The following SPNS2 variants were observed in gnomAD, a reference collection of about 807,000 sequenced individuals.
SPNS2 encodes the protein sphingosine-1-phosphate transporter SPNS2.
A neutral mutation model predicts 57.6 loss-of-function variants in SPNS2; 37 were observed. The observed-to-expected ratio is 0.64, with a 90% CI of 0.49 to 0.85. The LOEUF (loss-of-function observed/expected upper bound fraction) is 0.85, where lower values mean the gene tolerates loss of function less well. SPNS2 is among the 40% of genes least tolerant of loss of function. The pLI is 0.00. For synonymous variants in SPNS2, 440 were observed against 346.9 expected (o/e 1.27, Z -2.98); for missense variants, 831 against 779.1 (o/e 1.07, Z -0.79).
chr17:4,515,240 A>T (rs1211758241), intron 2 of SPNS2, among the ~76,000 whole-genome samples: 1 of 152,198 alleles, frequency 6.6e-6, no homozygotes, highest in Non-Finnish European at 1.5e-5. Flanking sequence ...GACAAAGCAC[A>T]CACAGGCATT....
At chr17:4,521,219 T>G (rs1420435222) in intron 2 of SPNS2, among the ~76,000 whole-genome samples, 1 of 152,184 alleles carries the variant, frequency 6.6e-6, no homozygotes, top group Non-Finnish European at 1.5e-5. Flanking sequence ...TTCTGATTCC[T>G]TCTGTCCACT....
intron 1 of SPNS2, among the ~76,000 whole-genome samples, chr17:4,508,673 G>C (rs1215117695): frequency 6.6e-6 from 1 of 152,240 alleles, no homozygotes; most frequent in Non-Finnish European, 1.5e-5. Context: ...CTAAGTGTGA[G>C]TGGGCAGCCG....
At position 4,537,901 on chromosome 17, in the gene SPNS2, C is replaced by T. The variant is rs1320798541; in HGVS notation, c.*453C>T. The T allele has an allele frequency of 2.4e-6, 1 of 417,152 alleles. No individual in the cohort carries two copies. Among genetic ancestry groups the T allele is most frequent in the Admixed American group, 2.6e-5 (1 of 38,404 alleles). 25.8% of individuals were successfully genotyped at this position (417,152 alleles called of 1,614,324 possible). A position where few individuals can be genotyped will look rare whatever the true frequency, so the allele number is the denominator to read the frequency against. On this transcript the variant is annotated 3_prime_UTR_variant, in exon 13 of 13. Coordinates refer to ENST00000329078, the MANE Select transcript of SPNS2 (RefSeq NM_001124758.3). ...AACAGACCCTGGACCATACGGAGAG[C>T]AGGTGGCCCAGGCCTCAGGGCGGCA...
intron 2 of SPNS2, among the ~76,000 whole-genome samples, chr17:4,515,358 C>T (rs1484992532): frequency 6.6e-6 from 1 of 152,166 alleles, no homozygotes; most frequent in African/African-American, 2.4e-5. Flanking sequence ...TGAGGGCTGG[C>T]AGTGGAGAGC....
At chr17:4,503,357 C>G (rs2144302540) in intron 1 of SPNS2, among the ~76,000 whole-genome samples, 1 of 152,318 alleles carries the variant, frequency 6.6e-6, no homozygotes, top group African/African-American at 2.4e-5. Flanking sequence ...GCACATGGCT[C>G]CTGCTCCTAT....
rs1371597522 is a variant in SPNS2, at chr17:4,536,064, C to T, written c.1345-12C>T. The T allele has an allele frequency of 1.2e-6, 2 of 1,607,956 alleles. No individual in the cohort carries two copies. The highest frequency in any genetic ancestry group is 1.7e-6 in the Non-Finnish European group (2 of 1,178,306). ...TCTCCTCTGGCCGCTGACCTGCCCG[C>T]CTGTTCCGCAGTACGTGGTCATCCC... On this transcript the variant is annotated splice_polypyrimidine_tract_variant and intron_variant, in intron 9 of 12. Coordinates refer to ENST00000329078, the MANE Select transcript of SPNS2 (RefSeq NM_001124758.3).
chr17:4,532,922 C>T, intron 6 of SPNS2, 55 bp from the exon 7 acceptor site: 2 of 1,575,780 alleles, frequency 1.3e-6, no homozygotes, highest in Non-Finnish European at 1.7e-6. Flanking sequence ...ATGGGGCTGC[C>T]TAGGGGGGTG....
chr17:4,528,932 TTTATC>T (rs1682331269), intron 3 of SPNS2, among the ~76,000 whole-genome samples: 2 of 150,876 alleles, frequency 1.3e-5, no homozygotes, highest in Non-Finnish European at 3.0e-5. Context: ...CCCGCTAATT[TTTATC>T]TTTTCTTTTT....
At chr17:4,525,018 GGGACCT>G in intron 2 of SPNS2, 33 bp from the exon 3 acceptor site, 2 of 1,600,892 alleles carry the variant, frequency 1.2e-6, no homozygotes, top group East Asian at 4.5e-5. Flanking sequence ...CCGGGGCGCA[GGGACCT>G]GGGCCCCCCC....
At chr17:4,531,409 C>T (rs1184224576) in intron 5 of SPNS2, among the ~76,000 whole-genome samples, 1 of 152,186 alleles carries the variant, frequency 6.6e-6, no homozygotes, top group Non-Finnish European at 1.5e-5. Flanking sequence ...CAAGGATTCT[C>T]CCACCACGTC....
intron 1 of SPNS2, among the ~76,000 whole-genome samples, chr17:4,503,955 C>A (rs566567206): frequency 1.3e-5 from 2 of 149,374 alleles, no homozygotes; most frequent in African/African-American, 4.9e-5. Flanking sequence ...GGAGGGGGTG[C>A]CAGGCTGGGG....
At chr17:4,509,123 G>C (rs1390714612) in intron 1 of SPNS2, among the ~76,000 whole-genome samples, 1 of 152,194 alleles carries the variant, frequency 6.6e-6, no homozygotes, top group Non-Finnish European at 1.5e-5. Context: ...TGTCCTACAG[G>C]GTCCGCTCAG....
Position 4,513,343 on chromosome 17 carries a change from G to A in SPNS2, c.436+31G>A, listed in dbSNP as rs9894697. The A allele has an allele frequency of 0.34, 540,198 of 1,610,152 alleles. 92,553 individuals are homozygous for A. The highest frequency in any genetic ancestry group is 0.41 in the African/African-American group (31,031 of 74,890). The stretch of plus-strand genomic sequence containing the variant: ...GCCCACCTCCCACCTTCCCCCCCAC[G>A]CCCAGGCGTTGGCGTCGTGGGTCCT... On this transcript the variant is annotated intron_variant, in intron 2 of 12. Transcript: ENST00000329078.
rs148479165 is a variant in SPNS2, at chr17:4,511,739, G to T, written c.371-1508G>T. On this transcript the variant is annotated intron_variant, in intron 1 of 12. Transcript: ENST00000329078. This position sits in a 1 kb window ranked among gnomAD's most constrained non-coding sequence, Gnocchi z 4.6. ...GGGTAATTATGGTCAACCCACTCAG[G>T]GCATTAACAAGGAGGAAGACAGCTT... is the stretch of plus-strand genomic sequence containing the variant. Among the ~76,000 whole-genome samples, 6 of 152,294 alleles carry T rather than the reference G, an allele frequency of 3.9e-5. No individual in the cohort carries two copies. The highest frequency in any genetic ancestry group is 8.8e-5 in the Non-Finnish European group (6 of 68,028).
At chr17:4,516,603 G>A (rs541846541) in intron 2 of SPNS2, among the ~76,000 whole-genome samples, 40 of 46,696 alleles carry the variant, frequency 8.6e-4, no homozygotes, top group African/African-American at 1.2e-3. Flanking sequence ...GCCGGTGGCC[G>A]CGGAGAACAC....
intron 2 of SPNS2, among the ~76,000 whole-genome samples, chr17:4,522,650 G>A (rs894609543): frequency 2.0e-5 from 3 of 152,204 alleles, no homozygotes; most frequent in African/African-American, 4.8e-5. Context: ...CCGGGACCAC[G>A]CACACATTCA....
rs528047988 is a variant in SPNS2 at position 4,512,757 on chromosome 17, C to T, written c.371-490C>T. 2.6e-5 allele frequency among the ~76,000 whole-genome samples: 4 copies of T among 151,832 alleles called. No homozygotes were observed. Among genetic ancestry groups the T allele is most frequent in the Middle Eastern group, 3.4e-3 (1 of 292 alleles). ...GTGTGTGTGCATGTACAGGTGTGTGCGTGTGTGTGCGAATGTGGTTGTGCA... is the reference window on the plus strand; with the variant it reads ...GTGTGTGTGCATGTACAGGTGTGTGTGTGTGTGTGCGAATGTGGTTGTGCA... On this transcript the variant is annotated intron_variant, in intron 1 of 12. Coordinates refer to ENST00000329078, the MANE Select transcript of SPNS2 (RefSeq NM_001124758.3). This position sits in a 1 kb window ranked among gnomAD's most constrained non-coding sequence, Gnocchi z 5.2.
Position 4,503,982 on chromosome 17 carries a change from C to CTTTT in SPNS2, c.370+4577_370+4580dup, listed in dbSNP as rs35585489. ...AGGCTGGGGCTCACTCTCCTATTGG[C>CTTTT]TTTTTTTTTTTTTTTGGTCTGTCCT... On this transcript the variant is annotated intron_variant, in intron 1 of 12. Transcript: ENST00000329078. Among the ~76,000 whole-genome samples, 449 of 137,760 alleles carry CTTTT rather than the reference C, an allele frequency of 3.3e-3. 6 individuals carry two copies. Among genetic ancestry groups the CTTTT allele is most frequent in the Middle Eastern group, 7.6e-3 (2 of 262 alleles). 90.4% of individuals were successfully genotyped at this position (137,760 alleles called of 152,430 possible).
Position 4,527,112 on chromosome 17 carries a change from AGAAACAGGTCACCTCCAGT to A in SPNS2, c.573+1923_573+1941del, listed in dbSNP as rs575110473. ...ACAGAAGATAAGCAAAGGCAGAGAGAGAAACAGGTCACCTCCAGTGAATCCATAAATGCACTGAAATCAC... is the reference window on the plus strand; with the variant it reads ...ACAGAAGATAAGCAAAGGCAGAGAGAGAATCCATAAATGCACTGAAATCAC... On this transcript the variant is annotated intron_variant, in intron 3 of 12. Transcript: ENST00000329078. Among the ~76,000 whole-genome samples, 608 of 152,350 alleles carry A rather than the reference AGAAACAGGTCACCTCCAGT, an allele frequency of 4.0e-3. 5 individuals are homozygous for A. The highest frequency in any genetic ancestry group is 0.014 in the African/African-American group (582 of 41,578).
Sources: allele counts gnomAD v4.1 joint callset (sites outside exome capture counted in the v4.1 genomes callset), GRCh38; gene constraint gnomAD v4.1.1; non-coding constraint Gnocchi (gnomAD v3.1); transcripts MANE v1.5; gene names NCBI Gene and HGNC (gene_info 2026-07-23, HGNC 2026-07-21).